Variants in CREBZF observed in about 807,000 individuals in gnomAD.
CREBZF encodes the protein CREB/ATF bZIP transcription factor, also known as HCF-binding transcription factor Zhangfei.
A neutral mutation model predicts 21.1 loss-of-function variants in CREBZF; 8 were observed. The ratio of observed to expected loss-of-function variants is 0.38; its 90% confidence interval spans 0.22 to 0.68. The LOEUF (loss-of-function observed/expected upper bound fraction) is 0.68. Ranked by LOEUF, CREBZF falls within the 30% of genes least tolerant of loss-of-function variation. The probability of loss-of-function intolerance (pLI) is 0.51; values close to 1 mark genes in which losing one functional copy is unlikely to be tolerated. For synonymous variants in CREBZF, 270 were observed against 223.3 expected (o/e 1.21, Z -1.86); for missense variants, 518 against 484.3 (o/e 1.07, Z -0.65).
At chr11:85,675,561 T>C (rs922683293) in intron 1 of CREBZF, among the ~76,000 whole-genome samples, 2 of 152,024 alleles carry the variant, frequency 1.3e-5, no homozygotes, top group Non-Finnish European at 2.9e-5. Flanking sequence ...CAGATCACCA[T>C]GACAGAGATA....
At position 85,664,231 on chromosome 11, in the gene CREBZF, C is replaced by G; in HGVS notation, c.645G>C (p.Ala215=). 6.2e-7 allele frequency: 1 copy of G among 1,612,354 alleles called. No individual in the cohort carries two copies. The highest frequency in any genetic ancestry group is 8.5e-7 in the Non-Finnish European group (1 of 1,179,750). Residue 215 remains alanine (A), a synonymous_variant, in exon 1 of 1, where the codon GCG becomes GCC. Coordinates refer to ENST00000527447, the MANE Select transcript of CREBZF (RefSeq NM_001039618.4). This position sits in a 1 kb window ranked among gnomAD's most constrained non-coding sequence, Gnocchi z 5.5. ...TCAGTCGATTAAGGCGGGCAGCGGC[C>G]GCCGCCGCCTTCCGGGGACTCTTTG... ...AATKSPRKAA[A]AAARLNRLKK...
chr11:85,666,263 C>G (rs2082861226), upstream of CREBZF, among the ~76,000 whole-genome samples: 1 of 152,138 alleles, frequency 6.6e-6, no homozygotes, highest in African/African-American at 2.4e-5. Flanking sequence ...GTTCACATCC[C>G]ACAAGGGATT....
upstream of CREBZF, among the ~76,000 whole-genome samples, chr11:85,669,033 A>AAAAAAAAAAAAAAAAAAAAAT (rs2082892460): frequency 7.4e-6 from 1 of 135,858 alleles, no homozygotes; most frequent in Non-Finnish European, 1.6e-5. Context: ...AAAAAAAAAA[A>AAAAAAAAAAAAAAAAAAAAAT]AAAAAAAAGA....
At chr11:85,682,593 C>T in intron 1 of CREBZF, 2 of 459,918 alleles carry the variant, frequency 4.3e-6, no homozygotes, top group Non-Finnish European at 7.6e-6. Context: ...CGCGCCCCTA[C>T]CCCCTGCCCT....
intron 1 of CREBZF, among the ~76,000 whole-genome samples, chr11:85,670,279 C>T (rs1441005520): frequency 1.7e-5 from 2 of 121,122 alleles, no homozygotes; most frequent in South Asian, 6.5e-4. Context: ...ATCCCCCCCC[C>T]CCACAATAAG....
chr11:85,681,133 G>C (rs181069811), intron 1 of CREBZF, among the ~76,000 whole-genome samples: 1 of 152,184 alleles, frequency 6.6e-6, no homozygotes, highest in Admixed American at 6.5e-5. Context: ...GGCTTTTAGG[G>C]GAGCAGTTAA....
upstream of CREBZF, among the ~76,000 whole-genome samples, chr11:85,665,373 A>AT (rs944592339): frequency 8.0e-5 from 12 of 150,036 alleles, no homozygotes; most frequent in African/African-American, 1.5e-4. Context: ...ATGCTTGTAA[A>AT]TTTTTTTTTT....
At chr11:85,676,907 G>C (rs1188046266) in intron 1 of CREBZF, among the ~76,000 whole-genome samples, 3 of 147,788 alleles carry the variant, frequency 2.0e-5, no homozygotes, top group African/African-American at 7.5e-5. Context: ...GCCTCCCAAA[G>C]TGCTGGAATT....
In CREBZF at chr11:85,671,495, C is replaced by A. The variant is rs536175343; in HGVS notation, n.148-7894G>T. Among the ~76,000 whole-genome samples the A allele has an allele frequency of 6.0e-4, 91 of 152,312 alleles. 3 individuals are homozygous for A. The South Asian group carries it at 0.018, about 31-fold the overall frequency. On this transcript the variant is annotated intron_variant and non_coding_transcript_variant, in intron 1 of 3. Transcript: ENST00000531515. ...CCACAGTCCAAAGTCTCATTGGAGGCAAGGCAAGTCCCTTCTGCCTATAAG... is the reference window on the plus strand; with the variant it reads ...CCACAGTCCAAAGTCTCATTGGAGGAAAGGCAAGTCCCTTCTGCCTATAAG...
At chr11:85,668,330 C>A (rs1411983892), upstream of CREBZF, among the ~76,000 whole-genome samples, 2 of 152,134 alleles carry the variant, frequency 1.3e-5, no homozygotes, top group Non-Finnish European at 2.9e-5. Flanking sequence ...AGTTTTTATG[C>A]AAACTTTACC....
In CREBZF at chr11:85,663,937, C is replaced by T; in HGVS notation, c.939G>A (p.Gln313=). 1 of 1,613,962 alleles carries T rather than the reference C, an allele frequency of 6.2e-7. No individual in the cohort carries two copies. Among genetic ancestry groups the T allele is most frequent in the South Asian group, 1.1e-5 (1 of 91,084 alleles). ...CGTCCTCTTCCAGCAGGTCCTGCTT[C>T]TGCTTTCCCACCGGCAGAGCGTAGT... The part of the protein sequence containing the change: ...DHDYALPVGK[Q]KQDLLEEDDS... Residue 313 remains glutamine, a synonymous_variant, in exon 1 of 1, where the codon CAG becomes CAA. Transcript: ENST00000527447.
Position 85,665,055 on chromosome 11 carries a change from G to T in CREBZF, c.-180C>A, listed in dbSNP as rs1182127015. ...GACCCCCCGCGCCAAGGCGCGGGGAGGGACGGGAGAACGAAGCGGTGAGGC... is the reference window on the plus strand; with the variant it reads ...GACCCCCCGCGCCAAGGCGCGGGGATGGACGGGAGAACGAAGCGGTGAGGC... On this transcript the variant is annotated 5_prime_UTR_variant, in exon 1 of 1. Transcript: ENST00000527447. The T allele has an allele frequency of 4.5e-6, 2 of 445,440 alleles. No homozygotes were observed. The highest frequency in any genetic ancestry group is 4.1e-5 in the African/African-American group (2 of 48,906). The allele number at this position is 445,440 out of a possible 1,614,324, so 27.6% of individuals were successfully genotyped here. A position where few individuals can be genotyped will look rare whatever the true frequency, so the allele number is the denominator to read the frequency against.
Position 85,664,953 on chromosome 11 carries a change from G to T in CREBZF, c.-78C>A, listed in dbSNP as rs558109066. ...GGGCCCCAAGGATCCCAGGCCCCAG[G>T]GCGGGTAGCCCCCGGCACTGGCCGA... On this transcript the variant is annotated 5_prime_UTR_variant, in exon 1 of 1. Transcript: ENST00000527447. This position sits in a 1 kb window ranked among gnomAD's most constrained non-coding sequence, Gnocchi z 5.5. 8 of 1,094,240 alleles carry T rather than the reference G, an allele frequency of 7.3e-6. No individual in the cohort carries two copies. In the African/African-American group the frequency reaches 1.0e-4, roughly 14 times the overall value. 67.8% of individuals were successfully genotyped at this position (1,094,240 alleles called of 1,614,324 possible). A position where few individuals can be genotyped will look rare whatever the true frequency, so the allele number is the denominator to read the frequency against.
chr11:85,678,360 T>G (rs187537224), intron 1 of CREBZF, among the ~76,000 whole-genome samples: 1 of 152,158 alleles, frequency 6.6e-6, no homozygotes, highest in African/African-American at 2.4e-5. Context: ...AGCTAGGGAA[T>G]ATGTATTTTT....
intron 1 of CREBZF, chr11:85,682,612 C>CCCCCG: frequency 8.6e-5 from 25 of 291,092 alleles, no homozygotes; most frequent in Non-Finnish European, 1.0e-4. Context: ...CTACTCCCCC[C>CCCCCG]AACGCGATCT....
intron 1 of CREBZF, among the ~76,000 whole-genome samples, chr11:85,672,870 A>T (rs1371299968): frequency 6.6e-6 from 1 of 152,202 alleles, no homozygotes; most frequent in Non-Finnish European, 1.5e-5. Context: ...CGAGACAAAA[A>T]TCATTAGAGA....
rs752129802 is a variant in CREBZF, at chr11:85,664,499, G to A, written c.377C>T (p.Ser126Leu). 2 of 1,613,556 alleles carry A rather than the reference G, an allele frequency of 1.2e-6. No homozygotes were observed. The highest frequency in any genetic ancestry group is 1.7e-5 in the Admixed American group (1 of 60,004). Reference sequence around the variant, plus strand: ...GCCAGACGAGGAGAGAGGCCCCGGCGAGCTAAGCCCGGGGTCCAGGTGCCA... The same window carrying A: ...GCCAGACGAGGAGAGAGGCCCCGGCAAGCTAAGCCCGGGGTCCAGGTGCCA... ...PDWHLDPGLS[S>L]PGPLSSSGGG... The change falls in exon 1 of 1, where the codon TCG becomes TTG. Residue 126 changes from serine to leucine, a missense_variant. Ser to Leu is a moderately radical substitution (Grantham distance 145). Transcript: ENST00000527447. This position sits in a 1 kb window ranked among gnomAD's most constrained non-coding sequence, Gnocchi z 5.5.
chr11:85,664,654 G>A lies in CREBZF; in HGVS notation c.222C>T (p.Ala74=), dbSNP rs766822001. ...TCTCCTCGGGGGAGGGCGCGCGCAC[G>A]GCCACGCCGCCGCGGCTCCCCCTCC... ...EAGRGSRGGV[A]VRAPSPEEME... is the part of the protein sequence containing the mutation. The change falls in exon 1 of 1, where the codon GCC becomes GCT. Residue 74 remains alanine, a synonymous_variant. Transcript: ENST00000527447. This position sits in a 1 kb window ranked among gnomAD's most constrained non-coding sequence, Gnocchi z 5.5. The A allele has an allele frequency of 2.5e-6, 4 of 1,604,844 alleles. No homozygotes were observed. The highest frequency in any genetic ancestry group is 3.4e-6 in the Non-Finnish European group (4 of 1,175,420).
upstream of CREBZF, among the ~76,000 whole-genome samples, chr11:85,668,554 AATT>A (rs527860786): frequency 1.1e-3 from 162 of 152,246 alleles, no homozygotes; most frequent in African/African-American, 3.5e-3. Context: ...CCTGCTTTGC[AATT>A]ATTATTATTA....
Sources: allele counts gnomAD v4.1 joint callset (sites outside exome capture counted in the v4.1 genomes callset), GRCh38; gene constraint gnomAD v4.1.1; non-coding constraint Gnocchi (gnomAD v3.1); transcripts MANE v1.5; gene names NCBI Gene and HGNC (gene_info 2026-07-23, HGNC 2026-07-21).